Variants in CTNNB1 observed in about 807,000 individuals in gnomAD.
The protein encoded by CTNNB1 is catenin beta-1.
In CTNNB1, 6 loss-of-function variants were observed where a neutral mutation model predicts 82.5. That is an observed-to-expected ratio of 0.07 (90% confidence interval 0.04 to 0.14). The LOEUF (loss-of-function observed/expected upper bound fraction) is 0.14. Among genes scored for constraint, CTNNB1 ranks in the 10% least tolerant of loss-of-function variants. The pLI is 1.00. For synonymous variants in CTNNB1, 312 were observed against 329.7 expected (o/e 0.95, Z 0.58); for missense variants, 529 against 980.4 (o/e 0.54, Z 6.15).
At chr3:41,235,635 A>G (rs1369299864) in intron 10 of CTNNB1, 89 bp from the exon 11 acceptor site, 1 of 1,554,756 alleles carries the variant, frequency 6.4e-7, no homozygotes, top group African/African-American at 1.4e-5. Flanking sequence ...AACTTCGGGT[A>G]TATAATGTAA....
At chr3:41,207,492 G>A (rs937102112) in intron 1 of CTNNB1, among the ~76,000 whole-genome samples, 2 of 152,050 alleles carry the variant, frequency 1.3e-5, no homozygotes, top group African/African-American at 2.4e-5. Context: ...GAGCTAAGTA[G>A]GAACCCCTTC....
intron 1 of CTNNB1, among the ~76,000 whole-genome samples, chr3:41,202,729 C>T (rs939846682): frequency 2.6e-5 from 4 of 152,142 alleles, no homozygotes; most frequent in African/African-American, 2.4e-5. Flanking sequence ...AATAAATACT[C>T]AGGTTTCACA....
chr3:41,233,503 C>G (rs1450628441), intron 8 of CTNNB1, 26 bp from the exon 9 acceptor site: 3 of 1,613,102 alleles, frequency 1.9e-6, no homozygotes, highest in African/African-American at 1.3e-5. Flanking sequence ...TGTGCTTGTA[C>G]TGACCATCTG....
rs2125646358 is a variant in CTNNB1 at position 41,236,501 on chromosome 3, T to C, written c.1954+2T>C. ...TTCACTCTAGGAATGAAGGTGTGGG[T>C]AAGTAAAAAGGAACCAAAGCCTTTA... On this transcript the variant is annotated splice_donor_variant, in intron 12 of 14. Transcript: ENST00000349496. LOFTEE classifies it high-confidence loss of function. 1 of 1,614,202 alleles carries C rather than the reference T, an allele frequency of 6.2e-7. No homozygotes were observed. Among genetic ancestry groups the C allele is most frequent in the Non-Finnish European group, 8.5e-7 (1 of 1,180,032 alleles).
chr3:41,204,114 A>G (rs2077594474), intron 1 of CTNNB1, among the ~76,000 whole-genome samples: 1 of 151,928 alleles, frequency 6.6e-6, no homozygotes. Context: ...TTTAAAGGCA[A>G]GAATGCCTCA....
intron 7 of CTNNB1, among the ~76,000 whole-genome samples, chr3:41,231,200 G>A (rs182752673): frequency 6.6e-5 from 10 of 152,210 alleles, no homozygotes; most frequent in South Asian, 4.1e-4. Context: ...GGTGGCAGGC[G>A]CCTGTAGTCC....
Position 41,211,803 on chromosome 3 carries a change from G to C in CTNNB1, c.-49+12133G>C, listed in dbSNP as rs550813527. Among the ~76,000 whole-genome samples, 6 of 152,230 alleles carry C rather than the reference G, an allele frequency of 3.9e-5. No homozygotes were observed. In the East Asian group the frequency reaches 9.6e-4, roughly 24 times the overall value. ...GGGCATTTGGGTTGATTGTATCTTTGCTATTATGGATGGCTTTTGCCTATA... is the reference window on the plus strand; with the variant it reads ...GGGCATTTGGGTTGATTGTATCTTTCCTATTATGGATGGCTTTTGCCTATA... On this transcript the variant is annotated intron_variant, in intron 1 of 14. Coordinates refer to ENST00000349496, the MANE Select transcript of CTNNB1 (RefSeq NM_001904.4).
In CTNNB1 at chr3:41,225,891, A is replaced by T. The variant is rs1306716733; in HGVS notation, c.936+30A>T. 1.3e-6 allele frequency: 2 copies of T among 1,587,942 alleles called. No homozygotes were observed. Among genetic ancestry groups the T allele is most frequent in the South Asian group, 2.2e-5 (2 of 90,002 alleles). On this transcript the variant is annotated intron_variant, in intron 6 of 14. Coordinates refer to ENST00000349496, the MANE Select transcript of CTNNB1 (RefSeq NM_001904.4). This position sits in a 1 kb window ranked among gnomAD's most constrained non-coding sequence, Gnocchi z 5.3. ...GAGAATTATTCTTTATGTGGTTTTC[A>T]TGGAGCATTGGACACCTCCAGTGTC...
intron 1 of CTNNB1, among the ~76,000 whole-genome samples, chr3:41,202,767 T>C (rs1224779343): frequency 6.6e-6 from 1 of 152,190 alleles, no homozygotes; most frequent in Non-Finnish European, 1.5e-5. Flanking sequence ...TTTGTGTTGA[T>C]CTAAATGAGT....
chr3:41,234,719 T>A (rs1472144463), intron 10 of CTNNB1: 1 of 202,224 alleles, frequency 4.9e-6, no homozygotes, highest in African/African-American at 2.3e-5. Context: ...GAGTTAAACT[T>A]TTTTCATGGA....
Position 41,234,122 on chromosome 3 carries a change from T to C in CTNNB1, c.1525-17T>C, listed in dbSNP as rs201206373. On this transcript the variant is annotated splice_polypyrimidine_tract_variant and intron_variant, in intron 9 of 14. Coordinates refer to ENST00000349496, the MANE Select transcript of CTNNB1 (RefSeq NM_001904.4). ...ATTTTGTTGAGTTGTATGCCAGTTC[T>C]TCCTTCTGTTTTTCAGGCTACTGTT... is the stretch of plus-strand genomic sequence containing the variant. 1.3e-5 allele frequency: 21 copies of C among 1,614,172 alleles called. 1 individual carries two copies. In the Admixed American group the frequency reaches 3.5e-4, roughly 27 times the overall value.
intron 7 of CTNNB1, 29 bp from the exon 8 acceptor site, chr3:41,233,312 A>G: frequency 6.3e-7 from 1 of 1,584,188 alleles, no homozygotes; most frequent in East Asian, 2.2e-5. Context: ...GCTAATGACT[A>G]GGGCCTTATA....
At chr3:41,233,034 G>A (rs546427260) in intron 7 of CTNNB1, among the ~76,000 whole-genome samples, 10 of 152,156 alleles carry the variant, frequency 6.6e-5, no homozygotes, top group Non-Finnish European at 1.2e-4. Flanking sequence ...TTTTTGAAAT[G>A]ATTGAATGGA....
intron 1 of CTNNB1, among the ~76,000 whole-genome samples, chr3:41,201,837 G>A (rs1350281386): frequency 6.6e-6 from 1 of 152,006 alleles, no homozygotes; most frequent in Non-Finnish European, 1.5e-5. Context: ...TGTATTTCCA[G>A]TATTAAAATT....
In CTNNB1 at chr3:41,233,794, C is replaced by T. The variant is rs1316791736; in HGVS notation, c.1451C>T (p.Ala484Val). ...CAAGAAGCAGAGATGGCCCAGAATG[C>T]AGTTCGCCTTCACTATGGACTACCA... ...RHQEAEMAQNAVRLHYGLPVV... is the reference protein window; with the variant it reads ...RHQEAEMAQNVVRLHYGLPVV... The change falls in exon 9 of 15, where the codon GCA (alanine) becomes GTA (valine). Residue 484 changes from alanine (A) to valine (V), a missense_variant. Around this residue, in one of 4 missense-constraint regions of CTNNB1, gnomAD observed 411 missense variants for 776.4 expected, o/e 0.53. Transcript: ENST00000349496. 2 of 1,612,964 alleles carry T rather than the reference C, an allele frequency of 1.2e-6. No homozygotes were observed. The highest frequency in any genetic ancestry group is 1.7e-6 in the Non-Finnish European group (2 of 1,179,220).
chr3:41,235,879 C>T (rs1241582813), intron 11 of CTNNB1, 36 bp downstream of exon 11: 4 of 1,612,360 alleles, frequency 2.5e-6, no homozygotes, highest in Non-Finnish European at 3.4e-6. Context: ...GTTTTATGTC[C>T]ATAAAATTTC....
In CTNNB1 at chr3:41,233,230, A is replaced by G. The variant is rs949113250; in HGVS notation, c.1082-111A>G. 3.5e-5 allele frequency: 31 copies of G among 894,872 alleles called. No homozygotes were observed. In the South Asian group the frequency reaches 3.9e-4, roughly 11 times the overall value. 55.4% of individuals were successfully genotyped at this position (894,872 alleles called of 1,614,324 possible). The stretch of plus-strand genomic sequence containing the variant: ...GAAATCAAATACTTAGGTGAAAGGA[A>G]GTAAACTCTGGAAATACAGAAGGAC... On this transcript the variant is annotated intron_variant, in intron 7 of 14. Transcript: ENST00000349496.
chr3:41,203,707 T>A (rs2077585473), intron 1 of CTNNB1, among the ~76,000 whole-genome samples: 1 of 152,182 alleles, frequency 6.6e-6, no homozygotes, highest in African/African-American at 2.4e-5. Flanking sequence ...TTGTACATAG[T>A]GGTGGGCCAT....
In CTNNB1 at chr3:41,224,765, A is replaced by C; in HGVS notation, c.241+12A>C. ...AGAACAAGTAGCTGGTAAGAGTATT[A>C]TTTTTCATTGCCTTACTGAAAGTCA... On this transcript the variant is annotated intron_variant, in intron 3 of 14. Coordinates refer to ENST00000349496, the MANE Select transcript of CTNNB1 (RefSeq NM_001904.4). The C allele has an allele frequency of 6.2e-7, 1 of 1,610,570 alleles. No homozygotes were observed. The highest frequency in any genetic ancestry group is 8.5e-7 in the Non-Finnish European group (1 of 1,177,092).
Sources: allele counts gnomAD v4.1 joint callset (sites outside exome capture counted in the v4.1 genomes callset), GRCh38; gene constraint gnomAD v4.1.1; regional missense constraint gnomAD v4.1.1; non-coding constraint Gnocchi (gnomAD v3.1); transcripts MANE v1.5; gene names NCBI Gene and HGNC (gene_info 2026-07-23, HGNC 2026-07-21).